PARD3B: variants seen among roughly 807,000 people sequenced by gnomAD.
PARD3B encodes partitioning defective 3 homolog B.
A neutral mutation model predicts 130.2 loss-of-function variants in PARD3B; 103 were observed. That is an observed-to-expected ratio of 0.79 (90% CI 0.67 to 0.93). PARD3B has a LOEUF of 0.93. Among genes scored for constraint, PARD3B ranks in the 40% least tolerant of loss-of-function variants. The probability of loss-of-function intolerance (pLI) is 0.00; values close to 1 mark genes in which losing one functional copy is unlikely to be tolerated. For missense variants in PARD3B, 1,609 were observed against 1,499.2 expected, an observed-to-expected ratio of 1.07 and a Z score of -1.21; for synonymous variants, 583 against 553.2, an observed-to-expected ratio of 1.05 and a Z score of -0.76.
chr2:205,496,297 C>T (rs2049922830), intron 20 of PARD3B, among the ~76,000 whole-genome samples: 1 of 152,016 alleles, frequency 6.6e-6, no homozygotes, highest in South Asian at 2.1e-4. Context: ...AGAAGAGCTA[C>T]AAATCAGAAA....
intron 2 of PARD3B, among the ~76,000 whole-genome samples, chr2:204,853,381 G>T (rs1033606058): frequency 3.9e-5 from 6 of 152,158 alleles, no homozygotes; most frequent in African/African-American, 1.4e-4. Flanking sequence ...GTTTTTTAGT[G>T]CTGGCTTGAT....
At chr2:205,357,806 T>A (rs931598486) in intron 18 of PARD3B, among the ~76,000 whole-genome samples, 1 of 152,214 alleles carries the variant, frequency 6.6e-6, no homozygotes, top group Non-Finnish European at 1.5e-5. Flanking sequence ...TTGCCAAAGA[T>A]GTTAGAAAGT....
chr2:204,637,228 A>G (rs1252583497), intron 1 of PARD3B, among the ~76,000 whole-genome samples: 1 of 152,168 alleles, frequency 6.6e-6, no homozygotes, highest in Non-Finnish European at 1.5e-5. Context: ...TAATACTGAA[A>G]GACAAAATTT....
At chr2:205,536,179 T>G (rs890795910) in intron 21 of PARD3B, among the ~76,000 whole-genome samples, 1 of 152,112 alleles carries the variant, frequency 6.6e-6, no homozygotes, top group Non-Finnish European at 1.5e-5. Context: ...TGATTGAGAA[T>G]TGTGAGGTGG....
At chr2:205,335,656 G>C (rs1407929682) in intron 18 of PARD3B, among the ~76,000 whole-genome samples, 1 of 152,092 alleles carries the variant, frequency 6.6e-6, no homozygotes. Flanking sequence ...AAAAAAAAGA[G>C]GTTCGATGGA....
intron 2 of PARD3B, among the ~76,000 whole-genome samples, chr2:204,942,052 A>G (rs1688946815): frequency 6.6e-6 from 1 of 152,184 alleles, no homozygotes; most frequent in African/African-American, 2.4e-5. Flanking sequence ...AATATGTGCA[A>G]AAATCTGAGT....
At chr2:205,181,256 A>G (rs999924654) in intron 13 of PARD3B, among the ~76,000 whole-genome samples, 2 of 152,166 alleles carry the variant, frequency 1.3e-5, no homozygotes, top group Non-Finnish European at 2.9e-5. Context: ...TCTAATGTGT[A>G]TCTTTCTGGG....
At chr2:205,331,485 G>C (rs1215350103) in intron 18 of PARD3B, among the ~76,000 whole-genome samples, 1 of 152,012 alleles carries the variant, frequency 6.6e-6, no homozygotes, top group African/African-American at 2.4e-5. Context: ...TCTGTTCTTA[G>C]AAAAGCCTGT....
chr2:205,211,563 A>T (rs769598848), intron 15 of PARD3B, among the ~76,000 whole-genome samples: 40 of 152,136 alleles, frequency 2.6e-4, no homozygotes, highest in Non-Finnish European at 4.9e-4. Context: ...GTTGCTGGAA[A>T]GATATCCAGT....
chr2:204,893,986 T>C (rs2046545133), intron 2 of PARD3B, among the ~76,000 whole-genome samples: 1 of 152,144 alleles, frequency 6.6e-6, no homozygotes, highest in Admixed American at 6.5e-5. Context: ...AGTAAATCTA[T>C]TTTATATAGA....
chr2:205,384,801 G>C (rs2668143), intron 18 of PARD3B, among the ~76,000 whole-genome samples: 24,700 of 151,942 alleles, frequency 0.16, 2,140 homozygotes, highest in Middle Eastern at 0.2. Context: ...TTCCATCACA[G>C]TTCAAAAGTG....
chr2:204,661,861 C>G (rs1218162190), intron 1 of PARD3B, among the ~76,000 whole-genome samples: 1 of 150,852 alleles, frequency 6.6e-6, no homozygotes, highest in African/African-American at 2.5e-5. Context: ...ATATCTCCTT[C>G]TGCATTCAAT....
chr2:204,592,887 G>T (rs1311273719), intron 1 of PARD3B, among the ~76,000 whole-genome samples: 1 of 152,110 alleles, frequency 6.6e-6, no homozygotes, highest in Admixed American at 6.6e-5. Context: ...ATCAATATGT[G>T]GTCCTTTGTG....
rs1246662765 is a variant in PARD3B at position 205,603,219 on chromosome 2, CTG to C, written c.3261-12235_3261-12234del. Among the ~76,000 whole-genome samples, 3 of 150,038 alleles carry C rather than the reference CTG, an allele frequency of 2.0e-5. No homozygotes were observed. The East Asian group carries it at 5.9e-4, about 29-fold the overall frequency. On this transcript the variant is annotated intron_variant, in intron 22 of 22. Coordinates refer to ENST00000406610, the MANE Select transcript of PARD3B (RefSeq NM_001302769.2). ...TTCTAAGTTGGTTGTGCTGTGGTCT[CTG>C]TTATGATTTCAATTCTTTTGCATTT...
At chr2:204,762,771 T>TC (rs1403566970) in intron 2 of PARD3B, among the ~76,000 whole-genome samples, 2 of 136,926 alleles carry the variant, frequency 1.5e-5, no homozygotes, top group African/African-American at 5.0e-5. Flanking sequence ...CTTTTTTTTT[T>TC]TTTTTTGAGA....
intron 21 of PARD3B, among the ~76,000 whole-genome samples, chr2:205,552,567 C>A (rs909108218): frequency 6.6e-6 from 1 of 151,994 alleles, no homozygotes; most frequent in Non-Finnish European, 1.5e-5. Context: ...CACCACCACA[C>A]CCGGCTAATT....
Position 204,608,654 on chromosome 2 carries a change from G to A in PARD3B, c.120+62535G>A, listed in dbSNP as rs1320726114. Among the ~76,000 whole-genome samples the A allele has an allele frequency of 2.6e-5, 4 of 152,292 alleles. No homozygotes were observed. The East Asian group carries it at 5.8e-4, about 22-fold the overall frequency. On this transcript the variant is annotated intron_variant, in intron 1 of 22. Transcript: ENST00000406610. ...GAGTGTTGGTGACATTCATTTCACA[G>A]GGATCTCAAATTATCCAGGAATTAC...
At chr2:205,212,748 A>C (rs1397879667) in intron 15 of PARD3B, among the ~76,000 whole-genome samples, 1 of 152,166 alleles carries the variant, frequency 6.6e-6, no homozygotes, top group Non-Finnish European at 1.5e-5. Context: ...AGAATGGTAA[A>C]GATAACCTCT....
chr2:204,944,636 A>G (rs1265203965), intron 2 of PARD3B, among the ~76,000 whole-genome samples: 1 of 152,238 alleles, frequency 6.6e-6, no homozygotes, highest in Non-Finnish European at 1.5e-5. Context: ...CAGCTATTTA[A>G]TCCAATGTTG....
Sources: gnomAD v4.1 joint callset for allele counts (sites outside exome capture counted in the v4.1 genomes callset) on GRCh38, gnomAD v4.1.1 for gene constraint, MANE v1.5 for transcripts, NCBI Gene and HGNC (gene_info 2026-07-23, HGNC 2026-07-21) for gene names.